SYNPR: variants seen among roughly 807,000 people sequenced by gnomAD.
SYNPR encodes the protein synaptoporin.
Under a neutral mutation model 32.9 loss-of-function variants are expected in SYNPR, and 23 were observed. That is an observed-to-expected ratio of 0.70 (90% CI 0.50 to 0.99). The LOEUF is 0.99. SYNPR is among the 50% of genes least tolerant of loss of function. The pLI is 0.00. For missense variants in SYNPR, 318 were observed against 349.3 expected (o/e 0.91, Z 0.71); for synonymous variants, 146 against 135.9 (o/e 1.07, Z -0.52).
chr3:63,543,018 T>G (rs1395600131), intron 3 of SYNPR, among the ~76,000 whole-genome samples: 7 of 152,138 alleles, frequency 4.6e-5, no homozygotes, highest in Non-Finnish European at 7.4e-5. Flanking sequence ...TTTTTGTAGA[T>G]TATATCCATA....
Position 63,553,649 on chromosome 3 carries a change from G to C in SYNPR, c.210-2894G>C, listed in dbSNP as rs1047091990. Among the ~76,000 whole-genome samples, 27 of 152,146 alleles carry C rather than the reference G, an allele frequency of 1.8e-4. 1 individual carries two copies. The highest frequency in any genetic ancestry group is 6.5e-5 in the Admixed American group (1 of 15,268). On this transcript the variant is annotated intron_variant, in intron 3 of 5. Coordinates refer to ENST00000478300, the MANE Select transcript of SYNPR (RefSeq NM_001130003.2). ...TATTATCTCATCATGGTTTTGATTT[G>C]CATTTCTCTGATGATTAGTGAAGAT...
chr3:63,577,469 GT>G (rs552330146), intron 4 of SYNPR, among the ~76,000 whole-genome samples: 3 of 152,132 alleles, frequency 2.0e-5, no homozygotes, highest in African/African-American at 7.2e-5. Flanking sequence ...CTTGGGAACT[GT>G]TTTTTTGGAA....
chr3:63,299,567 G>A (rs1207388673), intron 2 of SYNPR, among the ~76,000 whole-genome samples: 2 of 152,200 alleles, frequency 1.3e-5, no homozygotes, highest in East Asian at 1.9e-4. Context: ...CACCTATCAC[G>A]TGGTTCAGCT....
intron 3 of SYNPR, among the ~76,000 whole-genome samples, chr3:63,500,891 G>A (rs1241581614): frequency 2.0e-5 from 3 of 152,076 alleles, no homozygotes; most frequent in Admixed American, 6.6e-5. Context: ...GTATAGACAA[G>A]GATTTAGTGC....
At chr3:63,430,666 G>A (rs1699977022) in intron 2 of SYNPR, among the ~76,000 whole-genome samples, 1 of 152,090 alleles carries the variant, frequency 6.6e-6, no homozygotes, top group African/African-American at 2.4e-5. Flanking sequence ...CAATGTGGAA[G>A]GCAATCTAAA....
At chr3:63,426,989 A>G (rs925118592) in intron 2 of SYNPR, among the ~76,000 whole-genome samples, 15 of 152,172 alleles carry the variant, frequency 9.9e-5, no homozygotes, top group Admixed American at 5.9e-4. Context: ...ACCAGAATAA[A>G]TATGCTTCTT....
intron 2 of SYNPR, among the ~76,000 whole-genome samples, chr3:63,476,231 G>A (rs1294944863): frequency 1.1e-5 from 1 of 93,968 alleles, no homozygotes; most frequent in African/African-American, 4.5e-5. Flanking sequence ...GGGAAGGGAA[G>A]GAAGGAAGGA....
At chr3:63,510,041 C>T (rs1278219472) in intron 3 of SYNPR, among the ~76,000 whole-genome samples, 6 of 151,894 alleles carry the variant, frequency 4.0e-5, no homozygotes, top group Middle Eastern at 3.2e-3. Flanking sequence ...ATAGACACAG[C>T]GGTACTATTT....
At chr3:63,232,780 T>C (rs1246847576) in intron 1 of SYNPR, among the ~76,000 whole-genome samples, 3 of 152,194 alleles carry the variant, frequency 2.0e-5, no homozygotes, top group Non-Finnish European at 2.9e-5. Flanking sequence ...AGAATGAGGA[T>C]GTGTTAGTAA....
intron 2 of SYNPR, among the ~76,000 whole-genome samples, chr3:63,430,593 T>G (rs1699975455): frequency 6.6e-6 from 1 of 152,188 alleles, no homozygotes; most frequent in South Asian, 2.1e-4. Flanking sequence ...ACAGATGTTT[T>G]GCTGAGGATT....
intron 2 of SYNPR, among the ~76,000 whole-genome samples, chr3:63,256,256 C>G (rs1015320710): frequency 6.6e-6 from 1 of 152,322 alleles, no homozygotes; most frequent in South Asian, 2.1e-4. Flanking sequence ...GATATCAGAA[C>G]GGACAGACTG....
intron 2 of SYNPR, among the ~76,000 whole-genome samples, chr3:63,290,788 G>A (rs150735660): frequency 1.6e-3 from 250 of 152,206 alleles, no homozygotes; most frequent in African/African-American, 6.0e-3. Context: ...TGTGTGAGTC[G>A]TCATTCTTTG....
chr3:63,458,402 G>A (rs543710351), intron 2 of SYNPR, among the ~76,000 whole-genome samples: 5 of 152,070 alleles, frequency 3.3e-5, no homozygotes, highest in Admixed American at 6.6e-5. Flanking sequence ...TATCTATGGC[G>A]ATTCTCTGAT....
chr3:63,211,135 C>A, the SYNPR span, among the ~76,000 whole-genome samples: 1 of 152,168 alleles, frequency 6.6e-6, no homozygotes, highest in Non-Finnish European at 1.5e-5. Flanking sequence ...GTGGCGCGAT[C>A]TTGGCTCACT....
chr3:63,388,804 C>T (rs1481756520), intron 2 of SYNPR, among the ~76,000 whole-genome samples: 2 of 151,688 alleles, frequency 1.3e-5, no homozygotes, highest in Non-Finnish European at 2.9e-5. Flanking sequence ...CACATGAGGC[C>T]CCAGAAATTA....
intron 2 of SYNPR, among the ~76,000 whole-genome samples, chr3:63,468,491 G>GCACACACACACACACACACACACACA (rs10663212): frequency 5.2e-4 from 77 of 148,648 alleles, no homozygotes; most frequent in Middle Eastern, 3.5e-3. Flanking sequence ...TACCTGCAAA[G>GCACACACACACACACACACACACACA]CACACACACA....
intron 2 of SYNPR, among the ~76,000 whole-genome samples, chr3:63,255,191 C>T (rs2086371778): frequency 6.6e-6 from 1 of 152,140 alleles, no homozygotes; most frequent in Admixed American, 6.5e-5. Context: ...CAAATAACCT[C>T]CAGCTTGAGA....
chr3:63,489,431 A>G (rs2106712824), intron 3 of SYNPR, among the ~76,000 whole-genome samples: 1 of 152,340 alleles, frequency 6.6e-6, no homozygotes, highest in South Asian at 2.1e-4. Flanking sequence ...CATTGTATAC[A>G]GAAATGGTGA....
chr3:63,372,022 T>C (rs1351053485), intron 2 of SYNPR, among the ~76,000 whole-genome samples: 1 of 152,102 alleles, frequency 6.6e-6, no homozygotes, highest in Admixed American at 6.5e-5. Context: ...AGCCCCCGGC[T>C]TGGGACCACA....
Sources: allele counts gnomAD v4.1 joint callset (sites outside exome capture counted in the v4.1 genomes callset), GRCh38; gene constraint gnomAD v4.1.1; transcripts MANE v1.5; gene names NCBI Gene and HGNC (gene_info 2026-07-23, HGNC 2026-07-21).